Variants in EPB41L3 observed in about 807,000 individuals in gnomAD.
EPB41L3 encodes the protein erythrocyte membrane protein band 4.1 like 3, also known as band 4.1-like protein 3.
EPB41L3 carries 57 observed loss-of-function variants against 127.1 expected under a neutral mutation model. The ratio of observed to expected loss-of-function variants is 0.45; its 90% CI spans 0.36 to 0.56. The LOEUF (loss-of-function observed/expected upper bound fraction) is 0.56. Ranked by LOEUF, EPB41L3 falls within the 20% of genes least tolerant of loss-of-function variation. EPB41L3 has a pLI of 0.00. For missense variants in EPB41L3, 1,273 were observed against 1,372.2 expected, an observed-to-expected ratio of 0.93 and a Z score of 1.14; for synonymous variants, 572 against 549.5, an observed-to-expected ratio of 1.04 and a Z score of -0.57.
upstream of EPB41L3, chr18:5,630,234 G>T: frequency 2.7e-6 from 1 of 373,344 alleles, no homozygotes; most frequent in South Asian, 2.0e-5. Flanking sequence ...GCAGCCCCCG[G>T]TCGGGCCAGC....
chr18:5,506,343 CTCA>C (rs1289414003), intron 1 of EPB41L3, among the ~76,000 whole-genome samples: 113 of 152,288 alleles, frequency 7.4e-4, no homozygotes, highest in Non-Finnish European at 5.6e-4. Flanking sequence ...CTCCAACGCC[CTCA>C]TCATCTACTT....
intron 1 of EPB41L3, among the ~76,000 whole-genome samples, chr18:5,628,643 C>A (rs1370574310): frequency 6.6e-6 from 1 of 152,258 alleles, no homozygotes; most frequent in Non-Finnish European, 1.5e-5. Context: ...AGGTCGCCAG[C>A]CCGAGCGAGC....
chr18:5,598,955 A>G (rs1335045532), intron 3 of EPB41L3, among the ~76,000 whole-genome samples: 1 of 152,214 alleles, frequency 6.6e-6, no homozygotes, highest in Non-Finnish European at 1.5e-5. Flanking sequence ...TAAATCTTGA[A>G]TAAGAACAGT....
At chr18:5,607,693 A>G in intron 3 of EPB41L3, among the ~76,000 whole-genome samples, 1 of 152,188 alleles carries the variant, frequency 6.6e-6, no homozygotes, top group Non-Finnish European at 1.5e-5. Flanking sequence ...ATATGTTTAT[A>G]CCATCAGGTG....
chr18:5,424,868 A>C (rs149929666), intron 9 of EPB41L3, among the ~76,000 whole-genome samples: 123 of 152,206 alleles, frequency 8.1e-4, no homozygotes, highest in Non-Finnish European at 1.3e-3. Context: ...GAGATTGCTG[A>C]TTTTATTTGT....
At chr18:5,531,988 T>C (rs1220426577) in intron 1 of EPB41L3, among the ~76,000 whole-genome samples, 1 of 152,122 alleles carries the variant, frequency 6.6e-6, no homozygotes, top group Non-Finnish European at 1.5e-5. Flanking sequence ...GTAAGAACTA[T>C]CTGTTTAGCA....
At chr18:5,403,598 A>T (rs1260403193) in intron 16 of EPB41L3, among the ~76,000 whole-genome samples, 1 of 151,368 alleles carries the variant, frequency 6.6e-6, no homozygotes, top group Non-Finnish European at 1.5e-5. Context: ...ACCAAAAAAA[A>T]AAAAAAAACA....
At chr18:5,451,326 A>G (rs757573391) in intron 3 of EPB41L3, among the ~76,000 whole-genome samples, 9 of 152,186 alleles carry the variant, frequency 5.9e-5, no homozygotes, top group Non-Finnish European at 1.0e-4. Context: ...ATGTGTTTCA[A>G]TCCATCTCAG....
intron 3 of EPB41L3, chr18:5,467,660 C>A (rs1020601615): frequency 2.0e-5 from 3 of 152,214 alleles, no homozygotes; most frequent in African/African-American, 7.2e-5. Flanking sequence ...AAAAATTCAC[C>A]AATTTTGAAG....
chr18:5,419,757 T>G lies in EPB41L3; in HGVS notation c.1460A>C (p.Lys487Thr). ...CGAGATGGGCGTGACTTCTTCCCCC[T>G]TCCTCCGTTTGTCCTCTTCCTCGTC... ...ERDEEEDKRR[K>T]GEEVTPISAI... is the part of the protein sequence containing the mutation. The change falls in exon 12 of 23, where the codon AAG becomes ACG. Residue 487 changes from lysine to threonine, a missense_variant. Around this residue, in one of 3 missense-constraint regions of EPB41L3, gnomAD observed 765 missense variants for 782.9 expected, o/e 0.98. Coordinates refer to ENST00000341928, the MANE Select transcript of EPB41L3 (RefSeq NM_012307.5). 6.2e-7 allele frequency: 1 copy of G among 1,614,218 alleles called. No homozygotes were observed. Among genetic ancestry groups the G allele is most frequent in the Non-Finnish European group, 8.5e-7 (1 of 1,180,034 alleles).
intron 3 of EPB41L3, among the ~76,000 whole-genome samples, chr18:5,583,808 A>G (rs1224724184): frequency 6.6e-6 from 1 of 152,088 alleles, no homozygotes; most frequent in Admixed American, 6.5e-5. Flanking sequence ...GGGTCTAGAA[A>G]ATAATTTTTT....
At chr18:5,534,464 C>T (rs993837989) in intron 1 of EPB41L3, among the ~76,000 whole-genome samples, 7 of 152,110 alleles carry the variant, frequency 4.6e-5, no homozygotes, top group Admixed American at 1.3e-4. Context: ...GATGATAATC[C>T]GTGGATTGGT....
chr18:5,393,905 C>T (rs761173120), intron 22 of EPB41L3: 131 of 168,502 alleles, frequency 7.8e-4, no homozygotes, highest in Non-Finnish European at 1.3e-3. Context: ...CTCTCAGAAA[C>T]GCTCATGGCC....
At chr18:5,618,129 T>TA (rs1247250175) in intron 1 of EPB41L3, among the ~76,000 whole-genome samples, 3 of 152,180 alleles carry the variant, frequency 2.0e-5, no homozygotes, top group Non-Finnish European at 4.4e-5. Context: ...AACAACTACT[T>TA]ACAAATACAC....
chr18:5,606,865 T>TGCCCA (rs1253869018), intron 3 of EPB41L3, among the ~76,000 whole-genome samples: 1 of 149,456 alleles, frequency 6.7e-6, no homozygotes, highest in African/African-American at 2.5e-5. Context: ...CCCTAACACC[T>TGCCCA]GCCCACCATG....
Position 5,449,640 on chromosome 18 carries a change from C to G in EPB41L3, c.382-4396G>C, listed in dbSNP as rs529553363. On this transcript the variant is annotated intron_variant, in intron 3 of 22. Transcript: ENST00000341928. The stretch of plus-strand genomic sequence containing the variant: ...TGCATCCAGATAACGGAATAATGTT[C>G]ATTGATAAAAGAAAAAATGAGCTAT... 2.0e-5 allele frequency among the ~76,000 whole-genome samples: 3 copies of G among 152,204 alleles called. No individual in the cohort carries two copies. The South Asian group carries it at 6.2e-4, about 32-fold the overall frequency.
intron 2 of EPB41L3, among the ~76,000 whole-genome samples, 192 bp from the exon 3 acceptor site, chr18:5,478,630 T>C (rs988675182): frequency 6.6e-6 from 1 of 152,246 alleles, no homozygotes; most frequent in Non-Finnish European, 1.5e-5. Context: ...AATGTATCAA[T>C]AAGGCCTTAT....
chr18:5,530,205 T>C (rs973397743), intron 1 of EPB41L3, among the ~76,000 whole-genome samples: 1 of 152,154 alleles, frequency 6.6e-6, no homozygotes, highest in Non-Finnish European at 1.5e-5. Flanking sequence ...TAGATTGATA[T>C]ATTGTGATAT....
chr18:5,398,269 T>C, intron 16 of EPB41L3, 126 bp from the exon 17 acceptor site: 3 of 1,095,406 alleles, frequency 2.7e-6, no homozygotes, highest in Non-Finnish European at 3.9e-6. Flanking sequence ...AACGAAGGAA[T>C]CTCAGAGTTT....
Sources: allele counts gnomAD v4.1 joint callset (sites outside exome capture counted in the v4.1 genomes callset), GRCh38; gene constraint gnomAD v4.1.1; regional missense constraint gnomAD v4.1.1; transcripts MANE v1.5; gene names NCBI Gene and HGNC (gene_info 2026-07-23, HGNC 2026-07-21).